FARS2: variants seen among roughly 807,000 people sequenced by gnomAD.
FARS2 encodes phenylalanyl-tRNA synthetase 2, mitochondrial.
In FARS2, 40 loss-of-function variants were observed where a neutral mutation model predicts 46.4. The ratio of observed to expected loss-of-function variants is 0.86; its 90% CI spans 0.67 to 1.12. FARS2 has a LOEUF of 1.12. FARS2 is among the 50% of genes most tolerant of loss of function. The probability of loss-of-function intolerance (pLI) is 0.00; values close to 1 mark genes in which losing one functional copy is unlikely to be tolerated. For synonymous variants in FARS2, 234 were observed against 214.9 expected, an observed-to-expected ratio of 1.09 and a Z score of -0.78; for missense variants, 513 against 567.9, an observed-to-expected ratio of 0.90 and a Z score of 0.98.
chr6:5,358,244 G>A (rs1758061815), intron 1 of FARS2, among the ~76,000 whole-genome samples: 1 of 151,862 alleles, frequency 6.6e-6, no homozygotes, highest in African/African-American at 2.4e-5. Flanking sequence ...AATTGTTTGT[G>A]GGGGAAAACT....
chr6:5,387,019 A>G (rs1760177255), intron 2 of FARS2, among the ~76,000 whole-genome samples: 2 of 152,156 alleles, frequency 1.3e-5, no homozygotes, highest in Non-Finnish European at 2.9e-5. Context: ...ATTTAGTGAC[A>G]GTGGAAGGAA....
At chr6:5,706,976 C>T (rs1385466167) in intron 6 of FARS2, among the ~76,000 whole-genome samples, 4 of 152,242 alleles carry the variant, frequency 2.6e-5, no homozygotes, top group Admixed American at 6.5e-5. Context: ...TTCTCCAGCG[C>T]GCCTTGATGA....
chr6:5,566,675 A>C (rs988613180), intron 5 of FARS2, among the ~76,000 whole-genome samples: 2 of 152,220 alleles, frequency 1.3e-5, no homozygotes, highest in African/African-American at 4.8e-5. Context: ...GAAGAGAAAA[A>C]CATGAAGGAC....
At chr6:5,598,449 C>T (rs994655921) in intron 5 of FARS2, among the ~76,000 whole-genome samples, 4 of 152,130 alleles carry the variant, frequency 2.6e-5, no homozygotes, top group East Asian at 1.9e-4. Context: ...TCATGTTTAG[C>T]TTTTTTGTCT....
intron 4 of FARS2, among the ~76,000 whole-genome samples, chr6:5,513,957 A>G (rs1768617761): frequency 6.6e-6 from 1 of 152,150 alleles, no homozygotes; most frequent in African/African-American, 2.4e-5. Context: ...TGATCCAGCC[A>G]AATGCACTGT....
chr6:5,527,774 A>C (rs1769561398), intron 4 of FARS2, among the ~76,000 whole-genome samples: 2 of 152,238 alleles, frequency 1.3e-5, no homozygotes, highest in South Asian at 4.1e-4. Flanking sequence ...AAACAAAAAC[A>C]ACTTCTATCT....
At chr6:5,738,097 C>T (rs1582858019) in intron 6 of FARS2, among the ~76,000 whole-genome samples, 2 of 152,170 alleles carry the variant, frequency 1.3e-5, no homozygotes, top group South Asian at 2.1e-4. Context: ...ACTACAGATG[C>T]ACACCACCAC....
At chr6:5,693,357 A>G (rs1420266704) in intron 6 of FARS2, among the ~76,000 whole-genome samples, 2 of 152,188 alleles carry the variant, frequency 1.3e-5, no homozygotes, top group Non-Finnish European at 2.9e-5. Flanking sequence ...GAGCAGCCTG[A>G]TGACTTATGG....
intron 1 of FARS2, among the ~76,000 whole-genome samples, chr6:5,294,026 A>G (rs1435478897): frequency 6.6e-6 from 1 of 152,228 alleles, no homozygotes; most frequent in Non-Finnish European, 1.5e-5. Context: ...AATGACCTGC[A>G]TGTGAATTCC....
intron 4 of FARS2, among the ~76,000 whole-genome samples, chr6:5,470,522 T>C (rs925999094): frequency 1.7e-4 from 26 of 152,204 alleles, no homozygotes; most frequent in African/African-American, 5.8e-4. Flanking sequence ...GTATCATCAT[T>C]ACATAATGGA....
At chr6:5,256,352 T>G (rs1764666093), upstream of FARS2, among the ~76,000 whole-genome samples, 1 of 151,578 alleles carries the variant, frequency 6.6e-6, no homozygotes, top group Non-Finnish European at 1.5e-5. Flanking sequence ...TAGCCAGGCG[T>G]AGTGGCAGGC....
At chr6:5,515,461 C>G (rs1283831992) in intron 4 of FARS2, among the ~76,000 whole-genome samples, 1 of 152,048 alleles carries the variant, frequency 6.6e-6, no homozygotes, top group East Asian at 1.9e-4. Flanking sequence ...CAGAGTCTCC[C>G]TCTGTCACCC....
rs1435964146 is a variant in FARS2, at chr6:5,471,434, T to C, written c.904+40262T>C. 2.6e-5 allele frequency among the ~76,000 whole-genome samples: 4 copies of C among 152,180 alleles called. No homozygotes were observed. Among genetic ancestry groups the C allele is most frequent in the Non-Finnish European group, 5.9e-5 (4 of 68,040 alleles). ...GCTAATATCCCAACTAGCCCTTCAT[T>C]TACGAAGAACCAAAGGGAAACTCCA... On this transcript the variant is annotated intron_variant, in intron 4 of 6. Transcript: ENST00000274680. The surrounding 1 kb of genome is among the most constrained non-coding windows in gnomAD (Gnocchi z 4.1).
chr6:5,272,457 CAG>C (rs1766028823), intron 1 of FARS2: 1 of 152,108 alleles, frequency 6.6e-6, no homozygotes, highest in Admixed American at 6.5e-5. Flanking sequence ...GAAATGCAAT[CAG>C]AGAACAGGCA....
chr6:5,340,605 T>C (rs1453228431), intron 1 of FARS2, among the ~76,000 whole-genome samples: 2 of 152,184 alleles, frequency 1.3e-5, no homozygotes, highest in East Asian at 1.9e-4. Context: ...ATATTAGGAA[T>C]GTTAGAGCAT....
At chr6:5,337,696 T>G (rs1771259204) in intron 1 of FARS2, among the ~76,000 whole-genome samples, 1 of 152,238 alleles carries the variant, frequency 6.6e-6, no homozygotes, top group Admixed American at 6.5e-5. Flanking sequence ...GTTCATTCAC[T>G]TGAGCATTCA....
intron 1 of FARS2, among the ~76,000 whole-genome samples, chr6:5,327,543 A>G (rs766567567): frequency 6.6e-6 from 1 of 152,166 alleles, no homozygotes; most frequent in Non-Finnish European, 1.5e-5. Context: ...GTTCCCCTGC[A>G]CACACTCTCT....
At chr6:5,369,875 T>G (rs2127646206) in intron 2 of FARS2, among the ~76,000 whole-genome samples, 1 of 136,290 alleles carries the variant, frequency 7.3e-6, no homozygotes, top group Middle Eastern at 3.7e-3. Context: ...TGCATCTTTT[T>G]TTGTTGTTTT....
At chr6:5,332,172 C>T (rs1329401772) in intron 1 of FARS2, among the ~76,000 whole-genome samples, 1 of 152,196 alleles carries the variant, frequency 6.6e-6, no homozygotes, top group Non-Finnish European at 1.5e-5. Flanking sequence ...ACTTTAGAGA[C>T]ATGCTCTCAT....
Sources: allele counts gnomAD v4.1 joint callset (sites outside exome capture counted in the v4.1 genomes callset), GRCh38; gene constraint gnomAD v4.1.1; non-coding constraint Gnocchi (gnomAD v3.1); transcripts MANE v1.5; gene names NCBI Gene and HGNC (gene_info 2026-07-23, HGNC 2026-07-21).